AGAP1: variants seen among roughly 807,000 people sequenced by gnomAD.
AGAP1 encodes ArfGAP with GTPase domain, ankyrin repeat and PH domain 1.
AGAP1 carries 29 observed loss-of-function variants against 105.3 expected under a neutral mutation model. The observed-to-expected ratio is 0.28, with a 90% CI of 0.21 to 0.38. The LOEUF is 0.38. AGAP1 is among the 10% of genes least tolerant of loss of function. AGAP1 has a pLI of 1.00. For synonymous variants in AGAP1, 509 were observed against 485.9 expected, an observed-to-expected ratio of 1.05 and a Z score of -0.63; for missense variants, 998 against 1,165.1, an observed-to-expected ratio of 0.86 and a Z score of 2.09.
rs1948004390 is a variant in AGAP1, at chr2:235,662,790, C to T, written c.164-46389C>T. On this transcript the variant is annotated intron_variant, in intron 1 of 17. Coordinates refer to ENST00000304032, the MANE Select transcript of AGAP1 (RefSeq NM_001037131.3). The surrounding 1 kb of genome is among the most constrained non-coding windows in gnomAD (Gnocchi z 4.2). ...ACACCCAGCCTGTGTCCCTCATCCC[C>T]TTGCTCCGCTGCAAGAACCCCTCAC... is the stretch of plus-strand genomic sequence containing the variant. 6.6e-6 allele frequency among the ~76,000 whole-genome samples: 1 copy of T among 152,220 alleles called. No homozygotes were observed. The highest frequency in any genetic ancestry group is 2.4e-5 in the African/African-American group (1 of 41,456).
rs986445548 is a variant in AGAP1 at position 235,663,546 on chromosome 2, C to T, written c.164-45633C>T. On this transcript the variant is annotated intron_variant, in intron 1 of 17. Coordinates refer to ENST00000304032, the MANE Select transcript of AGAP1 (RefSeq NM_001037131.3). The surrounding 1 kb of genome is among the most constrained non-coding windows in gnomAD (Gnocchi z 5.4). Reference sequence around the variant, plus strand: ...GTGTAAAATCACGCTCTTCCAGAAGCTGGGCTTTGTAATGGGGCTGGCAAA... The same window carrying T: ...GTGTAAAATCACGCTCTTCCAGAAGTTGGGCTTTGTAATGGGGCTGGCAAA... Among the ~76,000 whole-genome samples, 1 of 152,152 alleles carries T rather than the reference C, an allele frequency of 6.6e-6. No homozygotes were observed. Among genetic ancestry groups the T allele is most frequent in the Non-Finnish European group, 1.5e-5 (1 of 68,032 alleles).
intron 4 of AGAP1, among the ~76,000 whole-genome samples, chr2:235,742,439 T>A (rs1234112811): frequency 6.6e-6 from 1 of 152,230 alleles, no homozygotes; most frequent in African/African-American, 2.4e-5. Context: ...ATTTTGTTTC[T>A]TAGCATTAAC....
rs4261675 is a variant in AGAP1, at chr2:235,955,413, A to T, written c.1484-13049A>T. Among the ~76,000 whole-genome samples the T allele has an allele frequency of 5.7e-3, 867 of 151,962 alleles. 6 individuals are homozygous for T. Among genetic ancestry groups the T allele is most frequent in the Middle Eastern group, 0.017 (5 of 294 alleles). ...TGGGAGCAGCACAGAACTTCGGCTC[A>T]GCAGCATGTATCCAGAGCCCCACGA... is the stretch of plus-strand genomic sequence containing the variant. On this transcript the variant is annotated intron_variant, in intron 12 of 17. Coordinates refer to ENST00000304032, the MANE Select transcript of AGAP1 (RefSeq NM_001037131.3).
chr2:235,918,550 T>C (rs1441860272), intron 11 of AGAP1, among the ~76,000 whole-genome samples: 3 of 152,254 alleles, frequency 2.0e-5, no homozygotes, highest in African/African-American at 7.2e-5. Flanking sequence ...GTTTATACAT[T>C]GCTCCCACTG....
Position 235,517,944 on chromosome 2 carries a change from A to AACAG in AGAP1, c.163+23096_163+23097insCAGA, listed in dbSNP as rs1553556939. ...TGAGACTCCGTTTCAAAAAAAAAAA[A>AACAG]AAAGAAAAAAAAAAGGTAGAACTCA... On this transcript the variant is annotated intron_variant, in intron 1 of 17. Coordinates refer to ENST00000304032, the MANE Select transcript of AGAP1 (RefSeq NM_001037131.3). This position sits in a 1 kb window ranked among gnomAD's most constrained non-coding sequence, Gnocchi z 4.1. 7.1e-6 allele frequency among the ~76,000 whole-genome samples: 1 copy of AACAG among 141,730 alleles called. No homozygotes were observed. Among genetic ancestry groups the AACAG allele is most frequent in the Non-Finnish European group, 1.5e-5 (1 of 66,094 alleles). The allele number at this position is 141,730 out of a possible 152,430, so 93.0% of individuals were successfully genotyped here. A position where few individuals can be genotyped will look rare whatever the true frequency, so the allele number is the denominator to read the frequency against.
Position 235,555,094 on chromosome 2 carries a change from G to A in AGAP1, c.163+60245G>A, listed in dbSNP as rs1319925978. On this transcript the variant is annotated intron_variant, in intron 1 of 17. Transcript: ENST00000304032. The surrounding 1 kb of genome is among the most constrained non-coding windows in gnomAD (Gnocchi z 5.1). ...GTGGGGTGGGGCTGGGATGAGGAGA[G>A]CGCGGCCGCCAGGGTCAGCCTGGAT... Among the ~76,000 whole-genome samples, 1 of 152,202 alleles carries A rather than the reference G, an allele frequency of 6.6e-6. No individual in the cohort carries two copies. Among genetic ancestry groups the A allele is most frequent in the Non-Finnish European group, 1.5e-5 (1 of 68,036 alleles).
chr2:235,954,287 T>A (rs1292556588), intron 12 of AGAP1, among the ~76,000 whole-genome samples: 1 of 148,910 alleles, frequency 6.7e-6, no homozygotes, highest in South Asian at 2.1e-4. Flanking sequence ...AAAGGAGACA[T>A]CCACAGAAGC....
chr2:235,808,780 A>G (rs900673997), intron 9 of AGAP1, among the ~76,000 whole-genome samples: 4 of 152,224 alleles, frequency 2.6e-5, no homozygotes, highest in Non-Finnish European at 5.9e-5. Context: ...CTTTAGGAGA[A>G]ATTCTCTTCC....
intron 1 of AGAP1, among the ~76,000 whole-genome samples, chr2:235,522,803 G>A (rs1942672305): frequency 2.0e-5 from 3 of 152,216 alleles, no homozygotes; most frequent in Non-Finnish European, 4.4e-5. Context: ...CCTTTATGGT[G>A]ATATCTGTTT....
Position 236,052,032 on chromosome 2 carries a change from C to G in AGAP1, c.2114+2751C>G, listed in dbSNP as rs80073651. ...TCTGCCTTTCGAAGCCACCCCCGCT[C>G]CCTCTGCCCCACTCCGCCCCTCCTG... On this transcript the variant is annotated intron_variant, in intron 16 of 17. Coordinates refer to ENST00000304032, the MANE Select transcript of AGAP1 (RefSeq NM_001037131.3). 2.1e-3 allele frequency among the ~76,000 whole-genome samples: 327 copies of G among 152,274 alleles called. 2 individuals are homozygous for G. The highest frequency in any genetic ancestry group is 7.4e-3 in the African/African-American group (306 of 41,556).
chr2:236,086,832 C>A (rs2058940516), intron 16 of AGAP1, among the ~76,000 whole-genome samples: 1 of 151,980 alleles, frequency 6.6e-6, no homozygotes, highest in African/African-American at 2.4e-5. Flanking sequence ...AATTTAATTT[C>A]TTCAAGTATG....
intron 13 of AGAP1, among the ~76,000 whole-genome samples, chr2:236,022,552 G>A (rs950787407): frequency 2.2e-4 from 33 of 151,958 alleles, no homozygotes; most frequent in African/African-American, 7.7e-4. Context: ...TTTTATTTTT[G>A]GACAGAGAGT....
At chr2:235,565,414 A>G (rs1218912558) in intron 1 of AGAP1, among the ~76,000 whole-genome samples, 1 of 152,234 alleles carries the variant, frequency 6.6e-6, no homozygotes, top group Non-Finnish European at 1.5e-5. Context: ...TACTTTAACA[A>G]GTTCATCTTA....
intron 1 of AGAP1, among the ~76,000 whole-genome samples, chr2:235,502,149 T>A (rs1476239313): frequency 6.6e-6 from 1 of 152,086 alleles, no homozygotes; most frequent in African/African-American, 2.4e-5. Context: ...GAGGCAGGGT[T>A]GGTATTGTCC....
At chr2:235,707,469 ATGACC>A (rs1950591792) in intron 1 of AGAP1, among the ~76,000 whole-genome samples, 3 of 10,168 alleles carry the variant, frequency 3.0e-4, no homozygotes, top group African/African-American at 6.1e-4. Flanking sequence ...TGCCCTCCCC[ATGACC>A]CCCCCCCCCC....
rs2052725137 is a variant in AGAP1 at position 235,931,609 on chromosome 2, A to G, written c.1483+686A>G. Among the ~76,000 whole-genome samples, 1 of 151,952 alleles carries G rather than the reference A, an allele frequency of 6.6e-6. No individual in the cohort carries two copies. The highest frequency in any genetic ancestry group is 6.6e-5 in the Admixed American group (1 of 15,254). Reference sequence around the variant, plus strand: ...TTTTGTCTCTGGCCTGTTCACCGGTATTTAAAGGAATTCCCACTGTTGTAT... The same window carrying G: ...TTTTGTCTCTGGCCTGTTCACCGGTGTTTAAAGGAATTCCCACTGTTGTAT... On this transcript the variant is annotated intron_variant, in intron 12 of 17. Coordinates refer to ENST00000304032, the MANE Select transcript of AGAP1 (RefSeq NM_001037131.3). This position sits in a 1 kb window ranked among gnomAD's most constrained non-coding sequence, Gnocchi z 5.6.
chr2:236,104,581 A>G lies in AGAP1; in HGVS notation c.2115-15611A>G, dbSNP rs555100543. 3.9e-5 allele frequency among the ~76,000 whole-genome samples: 6 copies of G among 152,246 alleles called. No homozygotes were observed. Among genetic ancestry groups the G allele is most frequent in the Non-Finnish European group, 1.5e-5 (1 of 67,994 alleles). ...GCCCTCTGGCCTCTTAGAGAATCCA[A>G]CTTGGGTTACAAAGACAAGCGTGCA... On this transcript the variant is annotated intron_variant, in intron 16 of 17. Coordinates refer to ENST00000304032, the MANE Select transcript of AGAP1 (RefSeq NM_001037131.3). The surrounding 1 kb of genome is among the most constrained non-coding windows in gnomAD (Gnocchi z 4.7).
At position 235,872,761 on chromosome 2, in the gene AGAP1, G is replaced by A. The variant is rs531146522; in HGVS notation, c.1051-10584G>A. ...ACTTCCTCCCTAAGGAAAGCGACGGGCCCCCTGTCTTCCCCGATTGGTTTC... is the reference window on the plus strand; with the variant it reads ...ACTTCCTCCCTAAGGAAAGCGACGGACCCCCTGTCTTCCCCGATTGGTTTC... On this transcript the variant is annotated intron_variant, in intron 9 of 17. Coordinates refer to ENST00000304032, the MANE Select transcript of AGAP1 (RefSeq NM_001037131.3). The surrounding 1 kb of genome is among the most constrained non-coding windows in gnomAD (Gnocchi z 4.5). 2.4e-4 allele frequency among the ~76,000 whole-genome samples: 37 copies of A among 152,310 alleles called. 1 individual carries two copies. In the South Asian group the frequency reaches 7.5e-3, roughly 31 times the overall value.
intron 1 of AGAP1, chr2:235,669,670 A>T (rs1212638130): frequency 6.8e-6 from 1 of 148,020 alleles, no homozygotes; most frequent in Non-Finnish European, 1.5e-5. Flanking sequence ...CAGCCGGTGC[A>T]GCTGTCCGCG....
Sources: allele counts gnomAD v4.1 joint callset (sites outside exome capture counted in the v4.1 genomes callset), GRCh38; gene constraint gnomAD v4.1.1; non-coding constraint Gnocchi (gnomAD v3.1); transcripts MANE v1.5; gene names NCBI Gene and HGNC (gene_info 2026-07-23, HGNC 2026-07-21).